ACOT11: variants seen among roughly 807,000 people sequenced by gnomAD.
ACOT11 encodes the protein acyl-CoA thioesterase 11.
Under a neutral mutation model 77.5 loss-of-function variants are expected in ACOT11, and 69 were observed. That is an observed-to-expected ratio of 0.89 (90% CI 0.73 to 1.09). The LOEUF (loss-of-function observed/expected upper bound fraction) is 1.09. Among genes scored for constraint, ACOT11 ranks in the 50% least tolerant of loss-of-function variants. The pLI, the probability that ACOT11 is intolerant of heterozygous loss-of-function variation, is 0.00. For missense variants in ACOT11, 766 were observed against 813.7 expected, an observed-to-expected ratio of 0.94 and a Z score of 0.71; for synonymous variants, 279 against 313.0, an observed-to-expected ratio of 0.89 and a Z score of 1.15.
chr1:54,548,509 A>G (rs1652952932), intron 1 of ACOT11, 167 bp downstream of exon 1: 1 of 900,510 alleles, frequency 1.1e-6, no homozygotes. Context: ...GGGCTGGTTT[A>G]TTATCAGCAG....
At chr1:54,602,636 G>T in intron 9 of ACOT11, 33 bp from the exon 10 acceptor site, 4 of 1,495,136 alleles carry the variant, frequency 2.7e-6, no homozygotes, top group East Asian at 2.5e-5. Context: ...GAGGGTGGGG[G>T]TAGCTGGTTG....
At chr1:54,608,182 C>A in intron 15 of ACOT11, 114 bp downstream of exon 15, 1 of 992,890 alleles carries the variant, frequency 1.0e-6, no homozygotes. Flanking sequence ...CCCCAGCAGG[C>A]TCCCCCTTCC....
chr1:54,584,969 A>T lies in ACOT11; in HGVS notation c.241+107A>T. On this transcript the variant is annotated intron_variant, in intron 2 of 15. Coordinates refer to ENST00000343744, the MANE Select transcript of ACOT11 (RefSeq NM_147161.4). The surrounding 1 kb of genome is among the most constrained non-coding windows in gnomAD (Gnocchi z 6.3). The stretch of plus-strand genomic sequence containing the variant: ...ACCCTAAGTGCCACACTTGTTTCTC[A>T]TCTTGGCCTTTGCTCATGCTGGTCC... The T allele has an allele frequency of 2.4e-6, 3 of 1,228,438 alleles. No individual in the cohort carries two copies. The highest frequency in any genetic ancestry group is 1.5e-5 in the South Asian group (1 of 68,408). The allele number at this position is 1,228,438 out of a possible 1,614,324, so 76.1% of individuals were successfully genotyped here.
intron 15 of ACOT11, among the ~76,000 whole-genome samples, chr1:54,616,598 C>T (rs1021205864): frequency 6.6e-6 from 1 of 152,132 alleles, no homozygotes. Flanking sequence ...TCTCAGAACT[C>T]CTGACCTCAA....
chr1:54,584,600 A>G lies in ACOT11; in HGVS notation c.34-55A>G. 1 of 1,538,714 alleles carries G rather than the reference A, an allele frequency of 6.5e-7. No individual in the cohort carries two copies. The highest frequency in any genetic ancestry group is 1.8e-5 in the Admixed American group (1 of 54,586). On this transcript the variant is annotated intron_variant, in intron 1 of 15. Transcript: ENST00000343744. This position sits in a 1 kb window ranked among gnomAD's most constrained non-coding sequence, Gnocchi z 6.3. ...GTTCTCAGGGCTGGACAGACCTGGG[A>G]GACCCTGCAGCAAGCAGACCTCTCT...
At chr1:54,600,558 C>T (rs1019883761) in intron 8 of ACOT11, among the ~76,000 whole-genome samples, 1 of 152,198 alleles carries the variant, frequency 6.6e-6, no homozygotes, top group Non-Finnish European at 1.5e-5. Context: ...GTGCACACAC[C>T]TGTAATCCCA....
intron 3 of ACOT11, among the ~76,000 whole-genome samples, chr1:54,590,136 T>C (rs904049465): frequency 6.6e-6 from 1 of 151,204 alleles, no homozygotes; most frequent in African/African-American, 2.4e-5. Context: ...TACCCACCAA[T>C]CCTCCACCAG....
chr1:54,571,395 G>C (rs1388613886), intron 1 of ACOT11, among the ~76,000 whole-genome samples: 1 of 152,140 alleles, frequency 6.6e-6, no homozygotes, highest in Non-Finnish European at 1.5e-5. Flanking sequence ...GGTCTGATAG[G>C]GCTACTTTGC....
chr1:54,552,013 AG>A (rs1311175232), intron 1 of ACOT11, among the ~76,000 whole-genome samples: 2 of 152,154 alleles, frequency 1.3e-5, no homozygotes, highest in African/African-American at 4.8e-5. Context: ...CAGCTTCATA[AG>A]GGGTCTAACC....
intron 1 of ACOT11, among the ~76,000 whole-genome samples, chr1:54,570,424 A>G (rs1653891900): frequency 6.6e-6 from 1 of 152,238 alleles, no homozygotes; most frequent in Non-Finnish European, 1.5e-5. Flanking sequence ...ACTGCTCTGC[A>G]AAGGCCATCT....
At chr1:54,630,880 C>T (rs1415338834) in exon 16 of ACOT11, 1 of 740,300 alleles carries the variant, frequency 1.4e-6, no homozygotes, top group African/African-American at 1.7e-5. Flanking sequence ...TTAAAGCAAT[C>T]CCCGTGGTGA....
exon 17 of ACOT11, chr1:54,635,430 C>T: frequency 3.5e-6 from 1 of 283,816 alleles, no homozygotes; most frequent in Non-Finnish European, 6.6e-6. Flanking sequence ...AGGAGCTAAA[C>T]ATAAGGATTT....
intron 1 of ACOT11, among the ~76,000 whole-genome samples, chr1:54,581,869 T>C (rs1557655267): frequency 6.6e-6 from 1 of 152,202 alleles, no homozygotes; most frequent in Admixed American, 6.5e-5. Context: ...CCAGACTGGC[T>C]GCCTGCCCAC....
chr1:54,608,900 C>A, intron 15 of ACOT11, 57 bp from the exon 16 acceptor site: 1 of 1,566,060 alleles, frequency 6.4e-7, no homozygotes, highest in Admixed American at 1.7e-5. Flanking sequence ...GGCTCCCACC[C>A]CTTCCCAGGA....
intron 1 of ACOT11, among the ~76,000 whole-genome samples, chr1:54,567,796 C>G (rs1474936600): frequency 6.6e-6 from 1 of 152,182 alleles, no homozygotes; most frequent in East Asian, 1.9e-4. Context: ...CTGGCTCCAC[C>G]TCTCTGCCCA....
intron 3 of ACOT11, 80 bp from the exon 4 acceptor site, chr1:54,592,466 G>A: frequency 7.3e-7 from 1 of 1,361,132 alleles, no homozygotes; most frequent in East Asian, 2.5e-5. Context: ...CCCCGCAAGA[G>A]AGGCTCTGCA....
At chr1:54,585,010 C>A in intron 2 of ACOT11, 148 bp downstream of exon 2, 1 of 892,238 alleles carries the variant, frequency 1.1e-6, no homozygotes, top group Non-Finnish European at 1.7e-6. Flanking sequence ...TCTGAAATGC[C>A]CTTCCTGATG....
chr1:54,608,603 TG>T (rs1247888262), intron 15 of ACOT11, among the ~76,000 whole-genome samples: 1 of 152,130 alleles, frequency 6.6e-6, no homozygotes, highest in Non-Finnish European at 1.5e-5. Flanking sequence ...GAACCATCCC[TG>T]GGCTAATGTC....
rs1054972014 is a variant in ACOT11, at chr1:54,573,281, G to C, written c.34-11374G>C. ...CTTTTGCGGTAAGCAGACTTGGGTTGATGTCTCAGCTCTGCCCTTTCCTGG... is the reference window on the plus strand; with the variant it reads ...CTTTTGCGGTAAGCAGACTTGGGTTCATGTCTCAGCTCTGCCCTTTCCTGG... On this transcript the variant is annotated intron_variant, in intron 1 of 15. Coordinates refer to ENST00000343744, the MANE Select transcript of ACOT11 (RefSeq NM_147161.4). 4.8e-5 allele frequency: 47 copies of C among 975,434 alleles called. No individual in the cohort carries two copies. The African/African-American group carries it at 8.1e-4, about 17-fold the overall frequency. The allele number at this position is 975,434 out of a possible 1,614,324, so 60.4% of individuals were successfully genotyped here.
Sources: allele counts gnomAD v4.1 joint callset (sites outside exome capture counted in the v4.1 genomes callset), GRCh38; gene constraint gnomAD v4.1.1; non-coding constraint Gnocchi (gnomAD v3.1); transcripts MANE v1.5; gene names NCBI Gene and HGNC (gene_info 2026-07-23, HGNC 2026-07-21).